PSMA4: variants seen among roughly 807,000 people sequenced by gnomAD.
PSMA4 encodes proteasome subunit alpha type-4.
Under a neutral mutation model 37.2 loss-of-function variants are expected in PSMA4, and 8 were observed. That is an observed-to-expected ratio of 0.22 (90% CI 0.13 to 0.39). The LOEUF is 0.39. Among genes scored for constraint, PSMA4 ranks in the 10% least tolerant of loss-of-function variants. The probability of loss-of-function intolerance (pLI) is 1.00; values close to 1 mark genes in which losing one functional copy is unlikely to be tolerated. For missense variants in PSMA4, 169 were observed against 305.1 expected (o/e 0.55, Z 3.32); for synonymous variants, 93 against 98.8 (o/e 0.94, Z 0.35).
intron 6 of PSMA4, among the ~76,000 whole-genome samples, 175 bp from the exon 7 acceptor site, chr15:78,545,459 G>A (rs4887062): frequency 0.66 from 100,695 of 152,112 alleles, 34,069 homozygotes; most frequent in East Asian, 0.82. Context: ...TGTCCAAATC[G>A]TAGAAACAAA....
At chr15:78,547,707 A>C (rs1005004039) in intron 8 of PSMA4, among the ~76,000 whole-genome samples, 1 of 151,728 alleles carries the variant, frequency 6.6e-6, no homozygotes. Context: ...ATGGTGGTGC[A>C]TGCCTATAAA....
rs1596047555 is a variant in PSMA4, at chr15:78,549,294, G to C, written c.*350G>C. The C allele has an allele frequency of 6.2e-6, 1 of 161,302 alleles. No homozygotes were observed. Among genetic ancestry groups the C allele is most frequent in the East Asian group, 1.7e-4 (1 of 5,740 alleles). 10.0% of individuals were successfully genotyped at this position (161,302 alleles called of 1,614,324 possible). A position where few individuals can be genotyped will look rare whatever the true frequency, so the allele number is the denominator to read the frequency against. On this transcript the variant is annotated 3_prime_UTR_variant, in exon 9 of 9. Coordinates refer to ENST00000044462, the MANE Select transcript of PSMA4 (RefSeq NM_002789.6). Reference sequence around the variant, plus strand: ...GGCTTACAGTCCTTTCACAAAGATGGGCACGTTCCTCAGGCTGGCCAGATT... The same window carrying C: ...GGCTTACAGTCCTTTCACAAAGATGCGCACGTTCCTCAGGCTGGCCAGATT...
At chr15:78,548,702 G>A (rs534718316) in intron 8 of PSMA4, 88 bp from the exon 9 acceptor site, 12 of 1,504,754 alleles carry the variant, frequency 8.0e-6, no homozygotes, top group Admixed American at 6.9e-5. Flanking sequence ...ATGATGTGGC[G>A]AGCATAAACC....
chr15:78,548,666 TAGG>T, intron 8 of PSMA4, 121 bp from the exon 9 acceptor site: 1 of 1,292,778 alleles, frequency 7.7e-7, no homozygotes, highest in Non-Finnish European at 1.0e-6. Context: ...GTATAAAACA[TAGG>T]AGAGTGCTGA....
In PSMA4 at chr15:78,545,608, T is replaced by A. The variant is rs377266937; in HGVS notation, c.377-26T>A. 3 of 1,609,726 alleles carry A rather than the reference T, an allele frequency of 1.9e-6. No homozygotes were observed. The Admixed American group carries it at 5.0e-5, about 27-fold the overall frequency. ...TGATACTAAATTTAGATTATTGATA[T>A]GTTTGGCTTTTTTTCTTTGTTAAAG... On this transcript the variant is annotated intron_variant, in intron 6 of 8. Transcript: ENST00000044462.
Position 78,541,905 on chromosome 15 carries a change from G to A in PSMA4, c.-23G>A, listed in dbSNP as rs375114621. 1.6e-5 allele frequency: 26 copies of A among 1,582,198 alleles called. No individual in the cohort carries two copies. The highest frequency in any genetic ancestry group is 2.2e-5 in the South Asian group (2 of 89,312). The stretch of plus-strand genomic sequence containing the variant: ...TGATGATCTGATTTTCTTTTTACAG[G>A]AACTATATAAAGTTCAGAAAACATG... On this transcript the variant is annotated splice_region_variant and 5_prime_UTR_variant, in exon 2 of 9. Transcript: ENST00000044462.
rs926174305 is a variant in PSMA4 at position 78,541,829 on chromosome 15, A to T, written c.-23-76A>T. 8.0e-6 allele frequency: 10 copies of T among 1,252,472 alleles called. No individual in the cohort carries two copies. In the East Asian group the frequency reaches 2.2e-4, roughly 27 times the overall value. The allele number at this position is 1,252,472 out of a possible 1,614,324, so 77.6% of individuals were successfully genotyped here. ...TAGCTGAATAAAGGGAGTAAATAAAACAGATTTGTAAAGTCAGCAAATGCT... is the reference window on the plus strand; with the variant it reads ...TAGCTGAATAAAGGGAGTAAATAAATCAGATTTGTAAAGTCAGCAAATGCT... On this transcript the variant is annotated intron_variant, in intron 1 of 8. Coordinates refer to ENST00000044462, the MANE Select transcript of PSMA4 (RefSeq NM_002789.6).
rs1360903500 is a variant in PSMA4 at position 78,550,454 on chromosome 15, A to G, written c.*1510A>G. 1 of 151,908 alleles carries G rather than the reference A, an allele frequency of 6.6e-6. No individual in the cohort carries two copies. Among genetic ancestry groups the G allele is most frequent in the Non-Finnish European group, 1.5e-5 (1 of 68,102 alleles). 9.4% of individuals were successfully genotyped at this position (151,908 alleles called of 1,614,324 possible). On this transcript the variant is annotated 3_prime_UTR_variant, in exon 9 of 9. Coordinates refer to ENST00000044462, the MANE Select transcript of PSMA4 (RefSeq NM_002789.6). ...TGCCTTGACCTCCCAAAGTGTTGAC[A>G]TCACAGCCCTCTTATGCTTAGGAAC...
chr15:78,548,212 C>T (rs2052590376), intron 8 of PSMA4, among the ~76,000 whole-genome samples: 1 of 151,444 alleles, frequency 6.6e-6, no homozygotes. Flanking sequence ...GCCTGGGCAA[C>T]AAGAGCAAAA....
chr15:78,540,881 A>C (rs12901682), intron 1 of PSMA4: 143,125 of 152,228 alleles, frequency 0.94, 67,664 homozygotes, highest in Non-Finnish European at 0.99. Context: ...AACTCAAAAT[A>C]GTGCTGTGCC....
chr15:78,547,262 C>T (rs1401996600), intron 8 of PSMA4, among the ~76,000 whole-genome samples: 2 of 152,176 alleles, frequency 1.3e-5, no homozygotes, highest in East Asian at 1.9e-4. Context: ...TGATACTGAA[C>T]AATCTCATTA....
chr15:78,544,085 C>A, intron 4 of PSMA4, 105 bp from the exon 5 acceptor site: 1 of 789,484 alleles, frequency 1.3e-6, no homozygotes. Context: ...TGTTGTGAAG[C>A]AAACATAGTG....
Position 78,550,916 on chromosome 15 carries a change from C to G in PSMA4, c.*1972C>G, listed in dbSNP as rs143767638. On this transcript the variant is annotated 3_prime_UTR_variant, in exon 9 of 9. Coordinates refer to ENST00000044462, the MANE Select transcript of PSMA4 (RefSeq NM_002789.6). ...TGAGAATGCAAATTTTGCAAATTCA[C>G]AAGTACAGAATCAGCAAGTAGTGAA... 6.6e-5 allele frequency: 10 copies of G among 152,274 alleles called. No individual in the cohort carries two copies. Among genetic ancestry groups the G allele is most frequent in the African/African-American group, 1.9e-4 (8 of 41,548 alleles). The allele number at this position is 152,274 out of a possible 1,614,324, so 9.4% of individuals were successfully genotyped here.
intron 8 of PSMA4, among the ~76,000 whole-genome samples, chr15:78,547,220 C>T (rs1397821546): frequency 1.3e-5 from 2 of 152,236 alleles, no homozygotes; most frequent in Non-Finnish European, 2.9e-5. Context: ...TGTGGAGTCA[C>T]AATCTCACAC....
rs2052650986 is a variant in PSMA4 at position 78,552,074 on chromosome 15, T to G, written c.*3130T>G. 1.3e-5 allele frequency: 2 copies of G among 152,216 alleles called. No homozygotes were observed. The highest frequency in any genetic ancestry group is 2.9e-5 in the Non-Finnish European group (2 of 68,054). 9.4% of individuals were successfully genotyped at this position (152,216 alleles called of 1,614,324 possible). ...ATGGGGTTTGGCTGCCTAGTCTAGA[T>G]TCTCACGCTAGCCCCACTTTCGTCT... On this transcript the variant is annotated 3_prime_UTR_variant, in exon 9 of 9. Transcript: ENST00000044462.
Position 78,544,896 on chromosome 15 carries a change from A to T in PSMA4, c.315A>T (p.Ile105=). The T allele has an allele frequency of 6.2e-7, 1 of 1,611,284 alleles. No homozygotes were observed. The highest frequency in any genetic ancestry group is 8.5e-7 in the Non-Finnish European group (1 of 1,177,694). Residue 105 remains isoleucine, a synonymous_variant, in exon 6 of 9, where the codon ATA becomes ATT. Transcript: ENST00000044462. The part of the protein sequence containing the change: ...QRYLLQYQEP[I]PCEQLVTALC... ...ATTTATTACAGTATCAGGAGCCAAT[A>T]CCTTGTGAGCAGTTGGTTACAGCGC...
chr15:78,547,520 A>T (rs1384398265), intron 8 of PSMA4, among the ~76,000 whole-genome samples: 3 of 152,188 alleles, frequency 2.0e-5, no homozygotes, highest in Non-Finnish European at 4.4e-5. Context: ...ACCTTGTTCA[A>T]CTTAAGCTAT....
intron 4 of PSMA4, among the ~76,000 whole-genome samples, chr15:78,542,897 C>G (rs141147481): frequency 0.015 from 2,214 of 152,298 alleles, 22 homozygotes; most frequent in South Asian, 0.022. Context: ...TTGGGTTCAA[C>G]TCCAGGCTTC....
intron 4 of PSMA4, 66 bp from the exon 5 acceptor site, chr15:78,544,124 A>G (rs1336058565): frequency 8.4e-7 from 1 of 1,190,242 alleles, no homozygotes; most frequent in African/African-American, 1.6e-5. Flanking sequence ...GAATTTTTTA[A>G]ATACTTATAA....
Sources: allele counts gnomAD v4.1 joint callset (sites outside exome capture counted in the v4.1 genomes callset), GRCh38; gene constraint gnomAD v4.1.1; transcripts MANE v1.5; gene names NCBI Gene and HGNC (gene_info 2026-07-23, HGNC 2026-07-21).